Variants in TULP2 observed in about 807,000 individuals in gnomAD.
TULP2 encodes the protein tubby-related protein 2.
Under a neutral mutation model 60.3 loss-of-function variants are expected in TULP2, and 64 were observed. That is an observed-to-expected ratio of 1.06 (90% CI 0.87 to 1.31). The LOEUF (loss-of-function observed/expected upper bound fraction) is 1.31. TULP2 is among the 50% of genes most tolerant of loss of function. The pLI is 0.00. For synonymous variants in TULP2, 267 were observed against 265.4 expected (o/e 1.01, Z -0.06); for missense variants, 652 against 667.0 (o/e 0.98, Z 0.25).
At chr19:48,889,668 C>A in intron 6 of TULP2, 37 bp from the exon 7 acceptor site, 2 of 1,546,030 alleles carry the variant, frequency 1.3e-6, no homozygotes, top group Non-Finnish European at 1.8e-6. Flanking sequence ...CAGATTGTTA[C>A]TGTGTCTGTG....
chr19:48,890,897 T>G (rs1399403534), intron 6 of TULP2, among the ~76,000 whole-genome samples: 1 of 152,098 alleles, frequency 6.6e-6, no homozygotes, highest in Non-Finnish European at 1.5e-5. Context: ...TTTGGGGTGA[T>G]AATAATTCTG....
chr19:48,881,941 C>T, intron 12 of TULP2, 91 bp downstream of exon 12: 1 of 1,570,896 alleles, frequency 6.4e-7, no homozygotes, highest in South Asian at 1.1e-5. Flanking sequence ...TAGAAAAACG[C>T]TCAAGTGATG....
In TULP2 at chr19:48,882,286, G is replaced by A. The variant is rs1464768359; in HGVS notation, c.1276-83C>T. The A allele has an allele frequency of 4.7e-6, 7 of 1,496,344 alleles. No homozygotes were observed. In the African/African-American group the frequency reaches 9.7e-5, roughly 21 times the overall value. 92.7% of individuals were successfully genotyped at this position (1,496,344 alleles called of 1,614,324 possible). On this transcript the variant is annotated intron_variant, in intron 11 of 12. Transcript: ENST00000221399. ...ACAGGGGCGACTCCATCTTGAACAG[G>A]GGCGACTCCATCTTGAACAGGGGCT... is the stretch of plus-strand genomic sequence containing the variant.
intron 9 of TULP2, among the ~76,000 whole-genome samples, chr19:48,884,622 T>C (rs1223587365): frequency 2.0e-5 from 3 of 151,266 alleles, no homozygotes; most frequent in Non-Finnish European, 4.4e-5. Context: ...AATACAAAAT[T>C]AGCCAGGCGT....
chr19:48,883,926 A>G lies in TULP2; in HGVS notation c.1176+6T>C. ...TACCCCATTCTCTCATCCCCAGGAC[A>G]CTCACATAACACACAGCCCCCAGCT... On this transcript the variant is annotated splice_donor_region_variant and intron_variant, in intron 10 of 12. Transcript: ENST00000221399. The G allele has an allele frequency of 6.2e-7, 1 of 1,613,790 alleles. No homozygotes were observed. Among genetic ancestry groups the G allele is most frequent in the Non-Finnish European group, 8.5e-7 (1 of 1,179,900 alleles).
intron 8 of TULP2, among the ~76,000 whole-genome samples, chr19:48,886,317 C>T (rs567282423): frequency 2.7e-5 from 4 of 148,964 alleles, no homozygotes; most frequent in South Asian, 2.1e-4. Flanking sequence ...AAAAAAAAGA[C>T]TTACTGGGAA....
intron 6 of TULP2, among the ~76,000 whole-genome samples, chr19:48,890,547 T>A (rs1454759805): frequency 6.8e-6 from 1 of 147,886 alleles, no homozygotes; most frequent in Non-Finnish European, 1.5e-5. Flanking sequence ...TTTCCAAGTC[T>A]CTCGTTCCAC....
At chr19:48,890,419 C>T (rs1191753387) in intron 6 of TULP2, among the ~76,000 whole-genome samples, 2 of 152,206 alleles carry the variant, frequency 1.3e-5, no homozygotes, top group Admixed American at 6.6e-5. Context: ...GAAACACCCA[C>T]AAATGATCAA....
chr19:48,891,619 C>T (rs1210765461), intron 6 of TULP2, among the ~76,000 whole-genome samples: 1 of 152,170 alleles, frequency 6.6e-6, no homozygotes, highest in Non-Finnish European at 1.5e-5. Context: ...GGGGGCCTGC[C>T]CCTCCACACC....
At position 48,897,751 on chromosome 19, in the gene TULP2, C is replaced by T; in HGVS notation, c.32+86G>A. The T allele has an allele frequency of 1.4e-6, 2 of 1,439,390 alleles. No homozygotes were observed. The highest frequency in any genetic ancestry group is 9.8e-7 in the Non-Finnish European group (1 of 1,022,398). The allele number at this position is 1,439,390 out of a possible 1,614,324, so 89.2% of individuals were successfully genotyped here. On this transcript the variant is annotated intron_variant, in intron 2 of 12. Transcript: ENST00000221399. This position sits in a 1 kb window ranked among gnomAD's most constrained non-coding sequence, Gnocchi z 4.0. Reference sequence around the variant, plus strand: ...TGCAAGGCCGATGGTGCTGAACCTGCAAACATGGTTATGAAGCCAGAGCCG... The same window carrying T: ...TGCAAGGCCGATGGTGCTGAACCTGTAAACATGGTTATGAAGCCAGAGCCG...
chr19:48,893,848 C>G (rs2037255084), intron 6 of TULP2, among the ~76,000 whole-genome samples: 1 of 152,010 alleles, frequency 6.6e-6, no homozygotes, highest in African/African-American at 2.4e-5. Context: ...GCCACCGCGC[C>G]CAGCCATGAT....
In TULP2 at chr19:48,888,160, A is replaced by AC. The variant is rs1183664422; in HGVS notation, c.737dup (p.Gly247TrpfsTer47). On this transcript the variant is annotated frameshift_variant, in exon 8 of 13. Coordinates refer to ENST00000221399, the MANE Select transcript of TULP2 (RefSeq NM_003323.3). LOFTEE classifies it high-confidence loss of function. ...GCCTCATATGGTCGCTGTCCGTGCC[A>AC]CCCTCGCCTTTCAGGGCCTTGGACA... The AC allele has an allele frequency of 3.7e-6, 6 of 1,613,928 alleles. No individual in the cohort carries two copies. The highest frequency in any genetic ancestry group is 4.2e-6 in the Non-Finnish European group (5 of 1,180,000).
At chr19:48,883,218 C>CAA (rs1284152622) in intron 11 of TULP2, among the ~76,000 whole-genome samples, 2 of 93,994 alleles carry the variant, frequency 2.1e-5, no homozygotes, top group Non-Finnish European at 4.4e-5. Context: ...GACTCTGTCT[C>CAA]AAAAAAAAAA....
Position 48,897,921 on chromosome 19 carries a change from C to G in TULP2, c.-1-52G>C. 10 of 1,520,326 alleles carry G rather than the reference C, an allele frequency of 6.6e-6. No individual in the cohort carries two copies. The highest frequency in any genetic ancestry group is 8.1e-6 in the Non-Finnish European group (9 of 1,106,140). The allele number at this position is 1,520,326 out of a possible 1,614,324, so 94.2% of individuals were successfully genotyped here. On this transcript the variant is annotated intron_variant, in intron 1 of 12. Coordinates refer to ENST00000221399, the MANE Select transcript of TULP2 (RefSeq NM_003323.3). This position sits in a 1 kb window ranked among gnomAD's most constrained non-coding sequence, Gnocchi z 4.0. ...GATCAGAACCAACATCCCAATGGATCCTGCCCACCAGCACCTAATCTTTAG... is the reference window on the plus strand; with the variant it reads ...GATCAGAACCAACATCCCAATGGATGCTGCCCACCAGCACCTAATCTTTAG...
At position 48,897,177 on chromosome 19, in the gene TULP2, G is replaced by T. The variant is rs1264422322; in HGVS notation, c.84+168C>A. 6.6e-6 allele frequency among the ~76,000 whole-genome samples: 1 copy of T among 152,056 alleles called. No individual in the cohort carries two copies. Among genetic ancestry groups the T allele is most frequent in the African/African-American group, 2.4e-5 (1 of 41,400 alleles). On this transcript the variant is annotated intron_variant, in intron 3 of 12. Coordinates refer to ENST00000221399, the MANE Select transcript of TULP2 (RefSeq NM_003323.3). This position sits in a 1 kb window ranked among gnomAD's most constrained non-coding sequence, Gnocchi z 4.0. Reference sequence around the variant, plus strand: ...AGTGCTGTGATTACAGCCGTGAGCTGCCCTGCCCGGCCCCAAATTCCTATT... The same window carrying T: ...AGTGCTGTGATTACAGCCGTGAGCTTCCCTGCCCGGCCCCAAATTCCTATT...
At chr19:48,885,146 C>T (rs781148971) in intron 9 of TULP2, among the ~76,000 whole-genome samples, 5 of 151,924 alleles carry the variant, frequency 3.3e-5, no homozygotes, top group Non-Finnish European at 7.4e-5. Flanking sequence ...AGTGATCCTC[C>T]CGCCTCTGCC....
At chr19:48,895,772 G>A (rs1350712332) in intron 4 of TULP2, among the ~76,000 whole-genome samples, 4 of 152,074 alleles carry the variant, frequency 2.6e-5, no homozygotes, top group South Asian at 4.1e-4. Flanking sequence ...ACAGCTACTC[G>A]GGAGGCTGAG....
In TULP2 at chr19:48,885,428, CAT is replaced by C. The variant is rs746238013; in HGVS notation, c.1061+18_1061+19del. ...GCTCCCTGCTACCTGCTCCTCACCA[CAT>C]GTCAGAGCTCTACCCACCTGACTTT... On this transcript the variant is annotated intron_variant, in intron 9 of 12. Transcript: ENST00000221399. 2.6e-5 allele frequency: 42 copies of C among 1,605,596 alleles called. No homozygotes were observed. The South Asian group carries it at 2.9e-4, about 11-fold the overall frequency.
At chr19:48,887,479 C>G (rs1032612530) in intron 8 of TULP2, among the ~76,000 whole-genome samples, 1 of 151,572 alleles carries the variant, frequency 6.6e-6, no homozygotes, top group Non-Finnish European at 1.5e-5. Flanking sequence ...CACATACCAC[C>G]ATGCCCAACC....
Sources: allele counts gnomAD v4.1 joint callset (sites outside exome capture counted in the v4.1 genomes callset), GRCh38; gene constraint gnomAD v4.1.1; non-coding constraint Gnocchi (gnomAD v3.1); transcripts MANE v1.5; gene names NCBI Gene and HGNC (gene_info 2026-07-23, HGNC 2026-07-21).